The following SGSM1 variants were observed in gnomAD, a reference collection of about 807,000 sequenced individuals.
The protein encoded by SGSM1 is RUN and TBC1 domain containing 2.
In SGSM1, 73 loss-of-function variants were observed where a neutral mutation model predicts 133.8. The observed-to-expected ratio is 0.55, with a 90% CI of 0.45 to 0.66. The LOEUF (loss-of-function observed/expected upper bound fraction) is 0.66. Among genes scored for constraint, SGSM1 ranks in the 30% least tolerant of loss-of-function variants. SGSM1 has a pLI of 0.00. For missense variants in SGSM1, 1,213 were observed against 1,448.1 expected (o/e 0.84, Z 2.64); for synonymous variants, 563 against 573.0 (o/e 0.98, Z 0.25).
Position 24,856,795 on chromosome 22 carries a change from G to A in SGSM1, c.801+1115G>A, listed in dbSNP as rs557678095. On this transcript the variant is annotated intron_variant, in intron 8 of 24. Coordinates refer to ENST00000400358, the MANE Select transcript of SGSM1 (RefSeq NM_001098497.3). ...TTTTTTTTTTTTTTTCTGAGACAGA[G>A]TCTCGCTCTATTGCCCAGGCTGGCA... is the stretch of plus-strand genomic sequence containing the variant. Among the ~76,000 whole-genome samples, 240 of 147,280 alleles carry A rather than the reference G, an allele frequency of 1.6e-3. 3 individuals are homozygous for A. The highest frequency in any genetic ancestry group is 5.1e-3 in the African/African-American group (206 of 40,018).
chr22:24,875,638 TC>T (rs1218531597), intron 12 of SGSM1, among the ~76,000 whole-genome samples: 2 of 135,148 alleles, frequency 1.5e-5, no homozygotes, highest in African/African-American at 5.5e-5. Flanking sequence ...AGACTCCATC[TC>T]AGAAAAAAAA....
In SGSM1 at chr22:24,889,908, C is replaced by T. The variant is rs534415762; in HGVS notation, c.1770+3180C>T. ...TCAAGTGATCCACCCACTTTGGCCT[C>T]CCAAAGTGCTGGGATTATAGGCGTG... On this transcript the variant is annotated intron_variant, in intron 16 of 24. Transcript: ENST00000400358. Among the ~76,000 whole-genome samples the T allele has an allele frequency of 2.9e-3, 414 of 140,934 alleles. 3 individuals carry two copies. Among genetic ancestry groups the T allele is most frequent in the African/African-American group, 0.011 (402 of 37,584 alleles). The allele number at this position is 140,934 out of a possible 152,430, so 92.5% of individuals were successfully genotyped here.
In SGSM1 at chr22:24,922,567, C is replaced by T. The variant is rs564981636; in HGVS notation, c.3194-1619C>T. 5.9e-3 allele frequency among the ~76,000 whole-genome samples: 896 copies of T among 151,406 alleles called. 11 individuals are homozygous for T. Among genetic ancestry groups the T allele is most frequent in the African/African-American group, 0.021 (852 of 41,234 alleles). On this transcript the variant is annotated intron_variant, in intron 24 of 24. Coordinates refer to ENST00000400358, the MANE Select transcript of SGSM1 (RefSeq NM_001098497.3). ...CTCGACTCACTGCAAGCTCTGCCTC[C>T]CAGGTTCATGCCATTCTCCTGCCTT...
intron 14 of SGSM1, among the ~76,000 whole-genome samples, chr22:24,881,656 G>A (rs1446386143): frequency 6.6e-6 from 1 of 152,156 alleles, no homozygotes; most frequent in African/African-American, 2.4e-5. Context: ...TTGCCATGCA[G>A]CGTGTGTTGT....
At position 24,924,598 on chromosome 22, in the gene SGSM1, T is replaced by G. The variant is rs550385588; in HGVS notation, c.*324T>G. 1 of 372,454 alleles carries G rather than the reference T, an allele frequency of 2.7e-6. No homozygotes were observed. The highest frequency in any genetic ancestry group is 5.6e-5 in the East Asian group (1 of 17,858). The allele number at this position is 372,454 out of a possible 1,614,324, so 23.1% of individuals were successfully genotyped here. The stretch of plus-strand genomic sequence containing the variant: ...TGCCCGGAATGGTCTCCTCTTCTTC[T>G]TTCCCTATCCCTCCAAACTGTCTTG... On this transcript the variant is annotated 3_prime_UTR_variant, in exon 25 of 25. Coordinates refer to ENST00000400358, the MANE Select transcript of SGSM1 (RefSeq NM_001098497.3).
intron 9 of SGSM1, among the ~76,000 whole-genome samples, chr22:24,863,147 A>C (rs193122397): frequency 2.0e-5 from 3 of 152,156 alleles, no homozygotes; most frequent in African/African-American, 7.2e-5. Flanking sequence ...CCTCATAGGC[A>C]CTGTTTTTGT....
At chr22:24,864,322 C>G (rs556252298) in intron 9 of SGSM1, among the ~76,000 whole-genome samples, 66 of 152,144 alleles carry the variant, frequency 4.3e-4, no homozygotes, top group African/African-American at 1.5e-3. Flanking sequence ...AGGGATCTAC[C>G]CAAGAGAAGT....
chr22:24,863,446 C>T (rs1271914576), intron 9 of SGSM1, among the ~76,000 whole-genome samples: 3 of 152,130 alleles, frequency 2.0e-5, no homozygotes, highest in Non-Finnish European at 4.4e-5. Context: ...CGTGAGCCAC[C>T]GCGCCCGGCC....
intron 24 of SGSM1, among the ~76,000 whole-genome samples, chr22:24,922,623 C>G (rs1934053794): frequency 6.6e-6 from 1 of 151,128 alleles, no homozygotes; most frequent in Admixed American, 6.6e-5. Context: ...CTACAGGCAT[C>G]CACCACCACA....
chr22:24,830,048 T>C (rs894542633), intron 2 of SGSM1, among the ~76,000 whole-genome samples: 3 of 104,338 alleles, frequency 2.9e-5, no homozygotes, highest in Non-Finnish European at 6.1e-5. Flanking sequence ...CCGGGATGGG[T>C]TCGGAGGAGT....
At chr22:24,857,419 A>AC (rs1207898206) in intron 8 of SGSM1, among the ~76,000 whole-genome samples, 26 of 151,700 alleles carry the variant, frequency 1.7e-4, no homozygotes, top group African/African-American at 6.3e-4. Context: ...AAAAAAAAAA[A>AC]AAAAAGCTAT....
chr22:24,917,972 C>A (rs1409706851), intron 23 of SGSM1, among the ~76,000 whole-genome samples: 1 of 152,098 alleles, frequency 6.6e-6, no homozygotes, highest in Non-Finnish European at 1.5e-5. Flanking sequence ...AGTGAGGAAA[C>A]CGAGGCTGAG....
In SGSM1 at chr22:24,878,115, G is replaced by A. The variant is rs565658932; in HGVS notation, c.1431-1347G>A. Among the ~76,000 whole-genome samples the A allele has an allele frequency of 5.9e-5, 9 of 152,254 alleles. No individual in the cohort carries two copies. The East Asian group carries it at 9.7e-4, about 16-fold the overall frequency. On this transcript the variant is annotated intron_variant, in intron 13 of 24. Transcript: ENST00000400358. ...CATGAGCCACCGCGCCCCGCCTGGA[G>A]ATTCTCTTATCATGCATTAGAATCA...
Position 24,806,498 on chromosome 22 carries a change from T to C in SGSM1, c.63+14T>C. On this transcript the variant is annotated intron_variant, in intron 2 of 24. Coordinates refer to ENST00000400358, the MANE Select transcript of SGSM1 (RefSeq NM_001098497.3). ...GTCAAGAAGGAGGTGGGTGCCGGGG[T>C]GGGGGCACTGGGCAGGACTCCCCCG... 1 of 1,501,804 alleles carries C rather than the reference T, an allele frequency of 6.7e-7. No individual in the cohort carries two copies. The highest frequency in any genetic ancestry group is 2.3e-5 in the Admixed American group (1 of 43,606). The allele number at this position is 1,501,804 out of a possible 1,614,324, so 93.0% of individuals were successfully genotyped here. A position where few individuals can be genotyped will look rare whatever the true frequency, so the allele number is the denominator to read the frequency against.
At chr22:24,899,207 C>A (rs1933033726) in intron 19 of SGSM1, among the ~76,000 whole-genome samples, 1 of 151,842 alleles carries the variant, frequency 6.6e-6, no homozygotes, top group South Asian at 2.1e-4. Flanking sequence ...TTCCTGTTTT[C>A]TTTTTCTTAG....
intron 2 of SGSM1, among the ~76,000 whole-genome samples, chr22:24,826,014 A>G: frequency 6.6e-6 from 1 of 152,260 alleles, no homozygotes; most frequent in South Asian, 2.1e-4. Context: ...TGCCACAAGC[A>G]CTGTGCTGGG....
chr22:24,915,651 G>A (rs1029145392), intron 22 of SGSM1, among the ~76,000 whole-genome samples: 44 of 152,136 alleles, frequency 2.9e-4, no homozygotes, highest in Admixed American at 3.9e-4. Context: ...AGAGTTTGTG[G>A]AAAATAGAGT....
At chr22:24,881,282 C>G (rs1310210722) in intron 14 of SGSM1, among the ~76,000 whole-genome samples, 1 of 141,620 alleles carries the variant, frequency 7.1e-6, no homozygotes, top group East Asian at 2.2e-4. Context: ...TTATGCAACT[C>G]TGGGCCGGGC....
chr22:24,885,215 G>A (rs1022447443), intron 15 of SGSM1, among the ~76,000 whole-genome samples: 4 of 152,122 alleles, frequency 2.6e-5, no homozygotes, highest in South Asian at 2.1e-4. Context: ...GATTACAGGC[G>A]TGAGCCGCTG....
Sources: gnomAD v4.1 joint callset for allele counts (sites outside exome capture counted in the v4.1 genomes callset) on GRCh38, gnomAD v4.1.1 for gene constraint, MANE v1.5 for transcripts, NCBI Gene and HGNC (gene_info 2026-07-23, HGNC 2026-07-21) for gene names.